OR2G6: variants seen among roughly 807,000 people sequenced by gnomAD.
OR2G6 encodes olfactory receptor family 2 subfamily G member 6.
For missense variants in OR2G6, 457 were observed against 391.3 expected (o/e 1.17, Z -1.42); for synonymous variants, 183 against 155.2 (o/e 1.18, Z -1.33).
rs1664339857 is a variant in OR2G6 at position 248,523,711 on chromosome 1, C to T, written c.*1114C>T. On this transcript the variant is annotated 3_prime_UTR_variant, in exon 2 of 2. Coordinates refer to ENST00000641804, the MANE Select transcript of OR2G6 (RefSeq NM_001013355.2). ...CTCTGTGTATCTTTGTGTGTCTCAGCCTCTTTCTTGCTTTCTTTTCCCAAA... is the reference window on the plus strand; with the variant it reads ...CTCTGTGTATCTTTGTGTGTCTCAGTCTCTTTCTTGCTTTCTTTTCCCAAA... 6.6e-6 allele frequency: 1 copy of T among 152,086 alleles called. No individual in the cohort carries two copies. The allele number at this position is 152,086 out of a possible 1,614,324, so 9.4% of individuals were successfully genotyped here. A position where few individuals can be genotyped will look rare whatever the true frequency, so the allele number is the denominator to read the frequency against.
At chr1:248,520,865 T>G (rs1261806473) in intron 1 of OR2G6, among the ~76,000 whole-genome samples, 6 of 133,782 alleles carry the variant, frequency 4.5e-5, no homozygotes, top group Admixed American at 4.3e-4. Flanking sequence ...AATATATATA[T>G]ATATAAAAAT....
Position 248,522,293 on chromosome 1 carries a change from TCTC to T in OR2G6, c.650_652del (p.Ser217del). 6.2e-7 allele frequency: 1 copy of T among 1,614,132 alleles called. No individual in the cohort carries two copies. The highest frequency in any genetic ancestry group is 8.5e-7 in the Non-Finnish European group (1 of 1,180,020). ...ATTGTCCCGGTGTTACTCATCTTAG[TCTC>T]CTATGGCTTTATCACTCAAGCTGTG... On this transcript the variant is annotated inframe_deletion, in exon 2 of 2. Transcript: ENST00000641804.
At position 248,523,035 on chromosome 1, in the gene OR2G6, C is replaced by G. The variant is rs571068427; in HGVS notation, c.*438C>G. On this transcript the variant is annotated 3_prime_UTR_variant, in exon 2 of 2. Coordinates refer to ENST00000641804, the MANE Select transcript of OR2G6 (RefSeq NM_001013355.2). ...CTGAAATGTCACCTGCACTCACTAG[C>G]TGTCCTGAAACACCATCCTTCTCAT... is the stretch of plus-strand genomic sequence containing the variant. The G allele has an allele frequency of 1.0e-3, 167 of 164,072 alleles. No individual in the cohort carries two copies. The highest frequency in any genetic ancestry group is 4.0e-3 in the African/African-American group (165 of 41,772). The allele number at this position is 164,072 out of a possible 1,614,324, so 10.2% of individuals were successfully genotyped here.
chr1:248,522,466 G>C lies in OR2G6; in HGVS notation c.820G>C (p.Val274Leu). The C allele has an allele frequency of 1.2e-6, 2 of 1,613,642 alleles. No homozygotes were observed. Among genetic ancestry groups the C allele is most frequent in the Middle Eastern group, 3.3e-4 (2 of 6,062 alleles). ...GAGATCCAAAAACCAGGGAAAGTTTGTTTCTCTTTTCTATACCATAGTCAC... is the reference window on the plus strand; with the variant it reads ...GAGATCCAAAAACCAGGGAAAGTTTCTTTCTCTTTTCTATACCATAGTCAC... ...NRRSKNQGKF[V>L]SLFYTIVTPL... is the part of the protein sequence containing the mutation. Residue 274 changes from valine (V) to leucine (L), a missense_variant, in exon 2 of 2, where the codon GTT (valine) becomes CTT (leucine). Transcript: ENST00000641804.
rs965625827 is a variant in OR2G6, at chr1:248,527,011, C to G, written c.*4414C>G. 1 of 152,164 alleles carries G rather than the reference C, an allele frequency of 6.6e-6. No homozygotes were observed. Among genetic ancestry groups the G allele is most frequent in the South Asian group, 2.1e-4 (1 of 4,828 alleles). The allele number at this position is 152,164 out of a possible 1,614,324, so 9.4% of individuals were successfully genotyped here. A position where few individuals can be genotyped will look rare whatever the true frequency, so the allele number is the denominator to read the frequency against. On this transcript the variant is annotated 3_prime_UTR_variant, in exon 2 of 2. Transcript: ENST00000641804. ...TTTAGTTTAATTAGATCCCATTTGT[C>G]AATTTTGGCTTTTGTTGCCATTGCT...
chr1:248,521,992 G>A lies in OR2G6; in HGVS notation c.346G>A (p.Ala116Thr), dbSNP rs1469807232. 2.5e-6 allele frequency: 4 copies of A among 1,614,136 alleles called. No individual in the cohort carries two copies. The African/African-American group carries it at 4.0e-5, about 16-fold the overall frequency. Residue 116 changes from alanine to threonine, a missense_variant, in exon 2 of 2, where the codon GCC (alanine) becomes ACC (threonine). Transcript: ENST00000641804. ...GLGSSECILL[A>T]VMAYDRYAAV... ...GGGCTCGTCTGAGTGTATTCTCTTGGCCGTCATGGCTTATGACCGCTATGC... is the reference window on the plus strand; with the variant it reads ...GGGCTCGTCTGAGTGTATTCTCTTGACCGTCATGGCTTATGACCGCTATGC...
At chr1:248,520,335 T>G (rs1463305811) in intron 1 of OR2G6, among the ~76,000 whole-genome samples, 1 of 152,046 alleles carries the variant, frequency 6.6e-6, no homozygotes, top group Non-Finnish European at 1.5e-5. Context: ...TAGATGACAA[T>G]TTGATGGCTG....
rs1175401341 is a variant in OR2G6 at position 248,524,632 on chromosome 1, A to G, written c.*2035A>G. ...AGAAATAGCTCCAGGTGAAAAGACA[A>G]CCATGTGTAAAGCAATGATATGAAC... On this transcript the variant is annotated 3_prime_UTR_variant, in exon 2 of 2. Coordinates refer to ENST00000641804, the MANE Select transcript of OR2G6 (RefSeq NM_001013355.2). The G allele has an allele frequency of 1.3e-5, 2 of 152,222 alleles. No individual in the cohort carries two copies. Among genetic ancestry groups the G allele is most frequent in the African/African-American group, 4.8e-5 (2 of 41,458 alleles). 9.4% of individuals were successfully genotyped at this position (152,222 alleles called of 1,614,324 possible).
rs370202084 is a variant in OR2G6 at position 248,526,755 on chromosome 1, A to C, written c.*4158A>C. On this transcript the variant is annotated 3_prime_UTR_variant, in exon 2 of 2. Coordinates refer to ENST00000641804, the MANE Select transcript of OR2G6 (RefSeq NM_001013355.2). The stretch of plus-strand genomic sequence containing the variant: ...TGCATTTCTCTGATGGCCAGTGATA[A>C]TGAGCATTTTTTCATGTGGCTGTGG... The C allele has an allele frequency of 2.6e-5, 4 of 152,114 alleles. No individual in the cohort carries two copies. In the South Asian group the frequency reaches 8.3e-4, roughly 32 times the overall value. The allele number at this position is 152,114 out of a possible 1,614,324, so 9.4% of individuals were successfully genotyped here.
chr1:248,521,141 T>C (rs1476062137), intron 1 of OR2G6, among the ~76,000 whole-genome samples: 5 of 151,378 alleles, frequency 3.3e-5, no homozygotes, highest in Non-Finnish European at 7.4e-5. Flanking sequence ...GAGAATTACT[T>C]GAACCCAGGA....
In OR2G6 at chr1:248,522,619, A is replaced by C. The variant is rs999408694; in HGVS notation, c.*22A>C. On this transcript the variant is annotated 3_prime_UTR_variant, in exon 2 of 2. Coordinates refer to ENST00000641804, the MANE Select transcript of OR2G6 (RefSeq NM_001013355.2). ...CTAGGAAACACCTGGAATTCTAAAC[A>C]AGGGAAACACCTCAAGGCAGAGTGA... 2 of 1,516,476 alleles carry C rather than the reference A, an allele frequency of 1.3e-6. No individual in the cohort carries two copies. The highest frequency in any genetic ancestry group is 1.8e-6 in the Non-Finnish European group (2 of 1,112,532). The allele number at this position is 1,516,476 out of a possible 1,614,324, so 93.9% of individuals were successfully genotyped here. A position where few individuals can be genotyped will look rare whatever the true frequency, so the allele number is the denominator to read the frequency against.
At chr1:248,519,909 C>T (rs1423742657) in intron 1 of OR2G6, among the ~76,000 whole-genome samples, 2 of 152,020 alleles carry the variant, frequency 1.3e-5, no homozygotes, top group African/African-American at 2.4e-5. Context: ...GAATCTATAA[C>T]TTACTTTGGG....
rs10158204 is a variant in OR2G6, at chr1:248,524,348, C to G, written c.*1751C>G. ...AAAGAAGCCTGGTTAAATTTGTCTT[C>G]TAGGATATTCTTATGTGATTTTCCT... is the stretch of plus-strand genomic sequence containing the variant. On this transcript the variant is annotated 3_prime_UTR_variant, in exon 2 of 2. Transcript: ENST00000641804. The G allele has an allele frequency of 6.6e-6, 1 of 152,080 alleles. No individual in the cohort carries two copies. The highest frequency in any genetic ancestry group is 1.5e-5 in the Non-Finnish European group (1 of 67,994). 9.4% of individuals were successfully genotyped at this position (152,080 alleles called of 1,614,324 possible).
chr1:248,522,392 T>G lies in OR2G6; in HGVS notation c.746T>G (p.Ile249Ser), dbSNP rs1423072676. The G allele has an allele frequency of 6.2e-7, 1 of 1,614,062 alleles. No individual in the cohort carries two copies. Among genetic ancestry groups the G allele is most frequent in the Non-Finnish European group, 8.5e-7 (1 of 1,180,028 alleles). Residue 249 changes from isoleucine to serine, a missense_variant, in exon 2 of 2, where the codon ATC becomes AGC. Transcript: ENST00000641804. ...TGTTCGTCTCACCTGGTTGTGGTCA[T>G]CATTTTCTATGGGACCATCATATTC... Reference protein sequence around the residue: ...GTCSSHLVVVIIFYGTIIFMY... With the variant: ...GTCSSHLVVVSIFYGTIIFMY...
intron 1 of OR2G6, among the ~76,000 whole-genome samples, chr1:248,520,037 A>G (rs1032917056): frequency 3.9e-5 from 6 of 152,328 alleles, no homozygotes; most frequent in South Asian, 2.1e-4. Flanking sequence ...ATGCCCATCA[A>G]TGATAGACTG....
chr1:248,526,131 G>GCAA lies in OR2G6; in HGVS notation c.*3537_*3539dup, dbSNP rs1182657264. The GCAA allele has an allele frequency of 6.6e-6, 1 of 152,060 alleles. No homozygotes were observed. The highest frequency in any genetic ancestry group is 6.6e-5 in the Admixed American group (1 of 15,240). The allele number at this position is 152,060 out of a possible 1,614,324, so 9.4% of individuals were successfully genotyped here. A position where few individuals can be genotyped will look rare whatever the true frequency, so the allele number is the denominator to read the frequency against. The stretch of plus-strand genomic sequence containing the variant: ...AATAAACAAGGGTCTTATAATAAAA[G>GCAA]CAACACAGAATGGCCAAAGCTATCC... On this transcript the variant is annotated 3_prime_UTR_variant, in exon 2 of 2. Transcript: ENST00000641804.
chr1:248,523,505 T>C lies in OR2G6; in HGVS notation c.*908T>C, dbSNP rs1012885441. ...TTAAACTCTGGAAAACAGTTACTTA[T>C]GTAATTTTATACTTCAAAAATTTGA... On this transcript the variant is annotated 3_prime_UTR_variant, in exon 2 of 2. Transcript: ENST00000641804. The C allele has an allele frequency of 5.9e-5, 9 of 152,194 alleles. No individual in the cohort carries two copies. The highest frequency in any genetic ancestry group is 1.3e-4 in the Admixed American group (2 of 15,278). 9.4% of individuals were successfully genotyped at this position (152,194 alleles called of 1,614,324 possible).
In OR2G6 at chr1:248,521,719, A is replaced by G. The variant is rs746759296; in HGVS notation, c.73A>G (p.Arg25Gly). 8.7e-6 allele frequency: 14 copies of G among 1,613,912 alleles called. 1 individual carries two copies. In the South Asian group the frequency reaches 1.5e-4, roughly 18 times the overall value. ...LGFSDQPQLE[R>G]FLFAIILYFY... ...ATTTTCAGATCAGCCTCAGCTAGAGAGGTTTCTTTTTGCCATCATTTTGTA... is the reference window on the plus strand; with the variant it reads ...ATTTTCAGATCAGCCTCAGCTAGAGGGGTTTCTTTTTGCCATCATTTTGTA... The change falls in exon 2 of 2, where the codon AGG becomes GGG. Residue 25 changes from arginine to glycine, a missense_variant. Coordinates refer to ENST00000641804, the MANE Select transcript of OR2G6 (RefSeq NM_001013355.2).
rs1428274152 is a variant in OR2G6 at position 248,526,314 on chromosome 1, C to T, written c.*3717C>T. On this transcript the variant is annotated 3_prime_UTR_variant, in exon 2 of 2. Transcript: ENST00000641804. Reference sequence around the variant, plus strand: ...ACCTAGAAATAGATTCATGTATTTACAGCCAACTGATTTTTGACAAAGGTG... The same window carrying T: ...ACCTAGAAATAGATTCATGTATTTATAGCCAACTGATTTTTGACAAAGGTG... The T allele has an allele frequency of 1.3e-5, 2 of 152,188 alleles. No homozygotes were observed. Among genetic ancestry groups the T allele is most frequent in the Non-Finnish European group, 2.9e-5 (2 of 68,038 alleles). The allele number at this position is 152,188 out of a possible 1,614,324, so 9.4% of individuals were successfully genotyped here. A position where few individuals can be genotyped will look rare whatever the true frequency, so the allele number is the denominator to read the frequency against.
Sources: gnomAD v4.1 joint callset for allele counts (sites outside exome capture counted in the v4.1 genomes callset) on GRCh38, gnomAD v4.1.1 for gene constraint, MANE v1.5 for transcripts, NCBI Gene and HGNC (gene_info 2026-07-23, HGNC 2026-07-21) for gene names.